Variants in C11orf65 observed in about 807,000 individuals in gnomAD.
C11orf65 encodes protein MFI.
A neutral mutation model predicts 35.3 loss-of-function variants in C11orf65; 38 were observed. The ratio of observed to expected loss-of-function variants is 1.08; its 90% CI spans 0.83 to 1.41. The LOEUF is 1.41. C11orf65 is among the 40% of genes most tolerant of loss of function. The pLI is 0.00. For synonymous variants in C11orf65, 105 were observed against 114.4 expected (o/e 0.92, Z 0.53); for missense variants, 370 against 367.1 (o/e 1.01, Z -0.06).
Position 108,375,867 on chromosome 11 carries a change from C to T in C11orf65, c.226+17341G>A, listed in dbSNP as rs1392838166. On this transcript the variant is annotated intron_variant, in intron 2 of 3. Coordinates refer to the C11orf65 transcript ENST00000524755. ...TCTGATAAAACAGACTTTAAACCAA[C>T]AAAGATCAAAAGAAACAAAGAAGGC... Among the ~76,000 whole-genome samples the T allele has an allele frequency of 2.6e-5, 4 of 152,158 alleles. No individual in the cohort carries two copies. In the East Asian group the frequency reaches 7.7e-4, roughly 29 times the overall value.
intron 2 of C11orf65, among the ~76,000 whole-genome samples, chr11:108,445,497 T>C (rs975490858): frequency 1.3e-5 from 2 of 152,258 alleles, no homozygotes; most frequent in Admixed American, 6.5e-5. Flanking sequence ...CCACTGCTGA[T>C]ACCCAGGCAA....
intron 2 of C11orf65, among the ~76,000 whole-genome samples, chr11:108,361,363 C>G (rs1166968217): frequency 6.6e-6 from 1 of 150,630 alleles, no homozygotes; most frequent in Non-Finnish European, 1.5e-5. Context: ...GTGAAAATGG[C>G]CATACTGCCC....
Position 108,320,083 on chromosome 11 carries a change from G to A in C11orf65, c.641-11012C>T, listed in dbSNP as rs761600797. On this transcript the variant is annotated intron_variant, in intron 6 of 6. Coordinates refer to the C11orf65 transcript ENST00000525729. ...GGTATTATGAAAAGACAAAGTTACT[G>A]TATTTTAACATTTAATGTCATGGCT... 2.9e-5 allele frequency: 43 copies of A among 1,500,654 alleles called. No homozygotes were observed. In the East Asian group the frequency reaches 7.7e-4, roughly 27 times the overall value. 93.0% of individuals were successfully genotyped at this position (1,500,654 alleles called of 1,614,324 possible). A position where few individuals can be genotyped will look rare whatever the true frequency, so the allele number is the denominator to read the frequency against.
intron 2 of C11orf65, among the ~76,000 whole-genome samples, chr11:108,453,616 A>T (rs1024023159): frequency 6.6e-6 from 1 of 152,212 alleles, no homozygotes; most frequent in Non-Finnish European, 1.5e-5. Context: ...TATAAAATAA[A>T]ATGTTCTTTC....
intron 2 of C11orf65, among the ~76,000 whole-genome samples, chr11:108,349,984 A>G (rs1196390407): frequency 6.6e-6 from 1 of 152,140 alleles, no homozygotes; most frequent in Non-Finnish European, 1.5e-5. Context: ...TATATTTGCT[A>G]TTGTGTTTTT....
At chr11:108,379,240 A>G (rs2091809474), downstream of C11orf65, among the ~76,000 whole-genome samples, 1 of 152,156 alleles carries the variant, frequency 6.6e-6, no homozygotes, top group Non-Finnish European at 1.5e-5. Flanking sequence ...ATGTCCAAAA[A>G]TGATAGACTG....
At chr11:108,351,055 A>G (rs1170673002) in intron 2 of C11orf65, among the ~76,000 whole-genome samples, 1 of 152,238 alleles carries the variant, frequency 6.6e-6, no homozygotes, top group Non-Finnish European at 1.5e-5. Flanking sequence ...TCGTATATTT[A>G]TATTCTCTTT....
chr11:108,450,804 C>A (rs931067429), intron 2 of C11orf65, among the ~76,000 whole-genome samples: 1 of 151,712 alleles, frequency 6.6e-6, no homozygotes, highest in East Asian at 1.9e-4. Flanking sequence ...AAAGCCTTAT[C>A]CACCATGATC....
chr11:108,402,245 G>A (rs903723472), intron 6 of C11orf65, among the ~76,000 whole-genome samples: 4 of 152,142 alleles, frequency 2.6e-5, no homozygotes, highest in East Asian at 1.9e-4. Context: ...GAAAAGGGCC[G>A]CTTCCCTCAA....
intron 6 of C11orf65, among the ~76,000 whole-genome samples, chr11:108,399,814 G>A (rs1488868672): frequency 2.0e-5 from 3 of 152,102 alleles, no homozygotes; most frequent in Non-Finnish European, 4.4e-5. Context: ...CATAGCACTT[G>A]GTATCTTATT....
intron 2 of C11orf65, among the ~76,000 whole-genome samples, chr11:108,449,156 C>T (rs1227357409): frequency 2.0e-5 from 3 of 152,140 alleles, no homozygotes; most frequent in African/African-American, 7.2e-5. Context: ...AATGGAAGAA[C>T]ATTCCATGCT....
chr11:108,377,018 C>T (rs201034496), intron 2 of C11orf65, among the ~76,000 whole-genome samples: 3,306 of 151,748 alleles, frequency 0.022, 81 homozygotes, highest in African/African-American at 0.069. Context: ...AGTCCAGGAC[C>T]AGATGGATTC....
intron 2 of C11orf65, chr11:108,368,246 GC>G (rs2091433851): frequency 4.9e-6 from 1 of 204,160 alleles, no homozygotes; most frequent in Non-Finnish European, 9.8e-6. Context: ...AGACAGGGTT[GC>G]CATTGTATTC....
intron 2 of C11orf65, among the ~76,000 whole-genome samples, chr11:108,444,400 C>A (rs2093216223): frequency 1.3e-5 from 2 of 152,238 alleles, no homozygotes; most frequent in African/African-American, 4.8e-5. Context: ...CAAAGAGGAG[C>A]TGCTACCATT....
At position 108,407,322 on chromosome 11, in the gene C11orf65, A is replaced by T. The variant is rs546626832; in HGVS notation, c.175-173T>A. Among the ~76,000 whole-genome samples the T allele has an allele frequency of 1.2e-3, 187 of 152,040 alleles. 2 individuals are homozygous for T. Among genetic ancestry groups the T allele is most frequent in the Non-Finnish European group, 3.5e-4 (24 of 67,974 alleles). ...TTAAATTAGAAAAATTGTTAAAAAA[A>T]TTTTTTTGAGATGGGATTTCACTCT... On this transcript the variant is annotated intron_variant, in intron 3 of 8. Transcript: ENST00000393084.
chr11:108,374,175 G>C (rs2091651107), intron 2 of C11orf65, among the ~76,000 whole-genome samples: 1 of 143,290 alleles, frequency 7.0e-6, no homozygotes, highest in Non-Finnish European at 1.5e-5. Context: ...AGAATGGGCA[G>C]ACTGCCTCCT....
rs539979700 is a variant in C11orf65 at position 108,373,838 on chromosome 11, C to T, written c.226+19370G>A. On this transcript the variant is annotated intron_variant, in intron 2 of 3. Transcript: ENST00000524755. ...CTCCCACCCGAATACTGCGCTTTTC[C>T]GACGGGCTTAGGAAACGGTGCACCA... Among the ~76,000 whole-genome samples, 257 of 152,328 alleles carry T rather than the reference C, an allele frequency of 1.7e-3. 1 individual carries two copies. The highest frequency in any genetic ancestry group is 1.8e-3 in the African/African-American group (76 of 41,574).
intron 6 of C11orf65, among the ~76,000 whole-genome samples, chr11:108,309,625 A>T (rs1297029463): frequency 1.3e-5 from 2 of 152,216 alleles, no homozygotes; most frequent in Non-Finnish European, 2.9e-5. Context: ...GATACTATCT[A>T]TGGTCCCTTT....
chr11:108,326,177 G>T lies in C11orf65; in HGVS notation c.641-17106C>A, dbSNP rs876660429. 6.2e-7 allele frequency: 1 copy of T among 1,614,060 alleles called. No homozygotes were observed. Among genetic ancestry groups the T allele is most frequent in the African/African-American group, 1.3e-5 (1 of 74,934 alleles). On this transcript the variant is annotated intron_variant, in intron 6 of 6. Coordinates refer to the C11orf65 transcript ENST00000525729. ...CAAAAAAGGAGCAGAGTCTTGCCCT[G>T]AGTATTCTCAAGCAAATGATCAAGA...
Sources: allele counts gnomAD v4.1 joint callset (sites outside exome capture counted in the v4.1 genomes callset), GRCh38; gene constraint gnomAD v4.1.1; transcripts MANE v1.5; gene names NCBI Gene and HGNC (gene_info 2026-07-23, HGNC 2026-07-21).